Variants in ATP1B4 observed in about 807,000 individuals in gnomAD.
ATP1B4 encodes the protein protein ATP1B4.
Under a neutral mutation model 29.6 loss-of-function variants are expected in ATP1B4, and 32 were observed. The ratio of observed to expected loss-of-function variants is 1.08; its 90% CI spans 0.82 to 1.45. The LOEUF (loss-of-function observed/expected upper bound fraction) is 1.45. Among genes scored for constraint, ATP1B4 ranks in the 40% most tolerant of loss-of-function variants. ATP1B4 has a pLI of 0.00. For missense variants in ATP1B4, 323 were observed against 276.2 expected (o/e 1.17, Z -1.20); for synonymous variants, 127 against 102.1 (o/e 1.24, Z -1.47).
Position 120,366,460 on chromosome X carries a change from G to C in ATP1B4, c.64-65G>C, listed in dbSNP as rs750587020. 2.7e-6 allele frequency: 3 copies of C among 1,124,805 alleles called. No homozygotes were observed. The African/African-American group carries it at 5.5e-5, about 21-fold the overall frequency. 92.7% of individuals were successfully genotyped at this position (1,124,805 alleles called of 1,213,427 possible). Reference sequence around the variant, plus strand: ...ATTGAGTCATTTCGATTTATTTTTGGCTGGTGGGATGCACCATTGTACATT... The same window carrying C: ...ATTGAGTCATTTCGATTTATTTTTGCCTGGTGGGATGCACCATTGTACATT... On this transcript the variant is annotated intron_variant, in intron 1 of 7. Coordinates refer to ENST00000218008, the MANE Select transcript of ATP1B4 (RefSeq NM_001142447.3).
intron 1 of ATP1B4, among the ~76,000 whole-genome samples, chrX:120,364,019 G>A (rs1389643041): frequency 1.8e-5 from 2 of 111,190 alleles, no homozygotes; most frequent in African/African-American, 6.5e-5. Context: ...GTAAAGCTCA[G>A]GAACCTCTCA....
chrX:120,370,729 A>G lies in ATP1B4; in HGVS notation c.343A>G (p.Ile115Val), dbSNP rs143293969. ...TTGCTCTGCAGGCCTGATCTTACTC[A>G]TTTACTTCTTCTTCTATGCCTCCTT... ...TGQSWSLILLIYFFFYASLAA... is the reference protein window; with the variant it reads ...TGQSWSLILLVYFFFYASLAA... Residue 115 changes from isoleucine (I) to valine (V), a missense_variant, in exon 3 of 8, where the codon ATT (isoleucine) becomes GTT (valine). Transcript: ENST00000218008. 174 of 1,209,642 alleles carry G rather than the reference A, an allele frequency of 1.4e-4. No homozygotes were observed. In the African/African-American group the frequency reaches 2.6e-3, roughly 18 times the overall value.
At chrX:120,375,651 T>G in intron 5 of ATP1B4, 83 bp downstream of exon 5, 6 of 838,655 alleles carry the variant, frequency 7.2e-6, no homozygotes, top group African/African-American at 2.0e-5. Context: ...TCTTGGTCTC[T>G]GTCTTCACAC....
In ATP1B4 at chrX:120,366,527, T is replaced by A. The variant is rs1443338776; in HGVS notation, c.66T>A (p.Asp22Glu). The change falls in exon 2 of 8, where the codon GAT becomes GAA. Residue 22 changes from aspartate to glutamate, a missense_variant and splice_region_variant. Asp to Glu is a conservative substitution (Grantham distance 45, BLOSUM62 2). Coordinates refer to ENST00000218008, the MANE Select transcript of ATP1B4 (RefSeq NM_001142447.3). ...ATTGTGTTTTGTCACTGTTCCAGGATGATCCGGATGAAGCGAACCAGAACT... is the reference window on the plus strand; with the variant it reads ...ATTGTGTTTTGTCACTGTTCCAGGAAGATCCGGATGAAGCGAACCAGAACT... Reference protein sequence around the residue: ...SFPYSYRYRLDDPDEANQNYL... With the variant: ...SFPYSYRYRLEDPDEANQNYL... 1 of 1,206,384 alleles carries A rather than the reference T, an allele frequency of 8.3e-7. No homozygotes were observed. The highest frequency in any genetic ancestry group is 1.1e-6 in the Non-Finnish European group (1 of 891,674).
chrX:120,365,803 C>T (rs909944065), intron 1 of ATP1B4, among the ~76,000 whole-genome samples: 5 of 112,124 alleles, frequency 4.5e-5, no homozygotes, highest in Non-Finnish European at 9.4e-5. Context: ...CAAATATGTG[C>T]TGAGTATGTA....
chrX:120,379,475 T>A lies in ATP1B4; in HGVS notation c.915T>A (p.Val305=). The A allele has an allele frequency of 8.3e-7, 1 of 1,203,553 alleles. No homozygotes were observed. Among genetic ancestry groups the A allele is most frequent in the East Asian group, 3.0e-5 (1 of 33,592 alleles). The change falls in exon 8 of 8, where the codon GTT becomes GTA. Residue 305 remains valine (V), a splice_region_variant and synonymous_variant. Transcript: ENST00000218008. ...ATTCATTTTTCTTCTACCTGCAGGT[T>A]AACTACACATCCCCCTTGGTGGCAA... ...YYPYYGKLTH[V]NYTSPLVAMH...
intron 4 of ATP1B4, among the ~76,000 whole-genome samples, chrX:120,373,042 T>G (rs997834763): frequency 8.9e-5 from 10 of 112,224 alleles, no homozygotes; most frequent in Non-Finnish European, 1.9e-4. Flanking sequence ...CTGATGATGA[T>G]GGAAGCAGGA....
chrX:120,373,470 A>G (rs2058323993), intron 4 of ATP1B4, among the ~76,000 whole-genome samples: 1 of 112,173 alleles, frequency 8.9e-6, no homozygotes, highest in African/African-American at 3.2e-5. Flanking sequence ...TTTGAGTTTT[A>G]CCTCTGGTAG....
At chrX:120,369,864 G>A (rs896126870) in intron 2 of ATP1B4, among the ~76,000 whole-genome samples, 1 of 112,278 alleles carries the variant, frequency 8.9e-6, no homozygotes, top group Non-Finnish European at 1.9e-5. Context: ...TTGTACAGAC[G>A]AGGAAATTGA....
At chrX:120,369,776 T>C (rs747252636) in intron 2 of ATP1B4, among the ~76,000 whole-genome samples, 1 of 112,191 alleles carries the variant, frequency 8.9e-6, no homozygotes, top group Admixed American at 9.5e-5. Context: ...CTGCCATTTA[T>C]GGTGCAATTA....
chrX:120,375,994 G>A (rs1234619349), intron 5 of ATP1B4, among the ~76,000 whole-genome samples: 1 of 111,551 alleles, frequency 9.0e-6, no homozygotes, highest in Non-Finnish European at 1.9e-5. Flanking sequence ...TTTGGAACAG[G>A]GGATTGAAAT....
At position 120,375,539 on chromosome X, in the gene ATP1B4, C is replaced by A. The variant is rs1042396596; in HGVS notation, c.730C>A (p.Gln244Lys). The change falls in exon 5 of 8, where the codon CAG becomes AAG. Residue 244 changes from glutamine (Q) to lysine (K), a missense_variant. Physicochemically the swap from Gln to Lys is moderately conservative, Grantham distance 53. Transcript: ENST00000218008. The stretch of plus-strand genomic sequence containing the variant: ...CCCAACTTTTGGATACTCTACTGGA[C>A]AGCCCTGCATCCTTCTAAAGATGAA... Reference protein sequence around the residue: ...EDPTFGYSTGQPCILLKMNRI... With the variant: ...EDPTFGYSTGKPCILLKMNRI... The A allele has an allele frequency of 1.7e-6, 2 of 1,209,726 alleles. No individual in the cohort carries two copies. Among genetic ancestry groups the A allele is most frequent in the Admixed American group, 2.2e-5 (1 of 45,722 alleles).
chrX:120,374,757 ATATAT>A (rs2058339188), intron 4 of ATP1B4, among the ~76,000 whole-genome samples: 3 of 16,313 alleles, frequency 1.8e-4, no homozygotes, highest in Non-Finnish European at 2.9e-4. Flanking sequence ...GTGTATATAT[ATATAT>A]TATATATATA....
At chrX:120,369,984 A>G (rs969610528) in intron 2 of ATP1B4, among the ~76,000 whole-genome samples, 1 of 111,621 alleles carries the variant, frequency 9.0e-6, no homozygotes, top group African/African-American at 3.3e-5. Context: ...GGATATAGAT[A>G]AGAATCCGAG....
chrX:120,374,786 T>TAATATATA (rs1491129477), intron 4 of ATP1B4, among the ~76,000 whole-genome samples: 41 of 403 alleles, frequency 0.1, 13 homozygotes, highest in African/African-American at 0.23. Flanking sequence ...TATATATATA[T>TAATATATA]TATATACCCT....
intron 2 of ATP1B4, among the ~76,000 whole-genome samples, chrX:120,367,561 G>A (rs895123669): frequency 2.7e-5 from 3 of 111,765 alleles, no homozygotes; most frequent in African/African-American, 9.8e-5. Context: ...GATTTAGCCA[G>A]TGGTAAAATT....
At chrX:120,378,203 C>T (rs2058365762) in intron 6 of ATP1B4, among the ~76,000 whole-genome samples, 1 of 111,641 alleles carries the variant, frequency 9.0e-6, no homozygotes, top group South Asian at 3.8e-4. Context: ...CCAATAGAAC[C>T]GAGCCTGCAG....
intron 2 of ATP1B4, among the ~76,000 whole-genome samples, chrX:120,369,074 A>G (rs1283041002): frequency 1.8e-5 from 2 of 112,102 alleles, no homozygotes; most frequent in Non-Finnish European, 3.8e-5. Context: ...GGAAAAAAGG[A>G]AGATATCTCC....
In ATP1B4 at chrX:120,383,113, C is replaced by A. The variant is rs2058387639; in HGVS notation, c.*3479C>A. ...GGGTTATGATTTTTCACCTTCTACTCCCCTGAAATCATTATCCTAAAGTAA... is the reference window on the plus strand; with the variant it reads ...GGGTTATGATTTTTCACCTTCTACTACCCTGAAATCATTATCCTAAAGTAA... On this transcript the variant is annotated 3_prime_UTR_variant, in exon 8 of 8. Coordinates refer to ENST00000218008, the MANE Select transcript of ATP1B4 (RefSeq NM_001142447.3). 1 of 112,334 alleles carries A rather than the reference C, an allele frequency of 8.9e-6. No individual in the cohort carries two copies. The highest frequency in any genetic ancestry group is 1.9e-5 in the Non-Finnish European group (1 of 53,253). 9.3% of individuals were successfully genotyped at this position (112,334 alleles called of 1,213,427 possible).
Sources: allele counts gnomAD v4.1 joint callset (sites outside exome capture counted in the v4.1 genomes callset), GRCh38; gene constraint gnomAD v4.1.1; transcripts MANE v1.5; gene names NCBI Gene and HGNC (gene_info 2026-07-23, HGNC 2026-07-21).